Variants in TRAPPC12 observed in about 807,000 individuals in gnomAD.
TRAPPC12 encodes the protein trafficking protein particle complex subunit 12.
TRAPPC12 carries 61 observed loss-of-function variants against 69.2 expected under a neutral mutation model. The observed-to-expected ratio is 0.88, with a 90% CI of 0.72 to 1.09. The LOEUF is 1.09. Ranked by LOEUF, TRAPPC12 falls within the 50% of genes least tolerant of loss-of-function variation. The pLI, the probability that TRAPPC12 is intolerant of heterozygous loss-of-function variation, is 0.00. For missense variants in TRAPPC12, 1,101 were observed against 1,016.4 expected, an observed-to-expected ratio of 1.08 and a Z score of -1.13; for synonymous variants, 469 against 438.9, an observed-to-expected ratio of 1.07 and a Z score of -0.86.
chr2:3,450,457 C>T (rs1312434124), intron 6 of TRAPPC12, among the ~76,000 whole-genome samples: 4 of 152,168 alleles, frequency 2.6e-5, no homozygotes, highest in Admixed American at 6.5e-5. Context: ...CTTCCAGGTC[C>T]GCTCTGAAGT....
intron 5 of TRAPPC12, among the ~76,000 whole-genome samples, chr2:3,432,573 C>T (rs1048538254): frequency 5.9e-5 from 9 of 152,206 alleles, no homozygotes; most frequent in African/African-American, 1.9e-4. Context: ...AGAGTGACCA[C>T]GTTCTGCTTT....
chr2:3,445,331 G>A (rs964296394), intron 6 of TRAPPC12, among the ~76,000 whole-genome samples: 12 of 152,180 alleles, frequency 7.9e-5, no homozygotes, highest in African/African-American at 2.4e-5. Context: ...GTTGCAGTAA[G>A]CCGAGATCAA....
chr2:3,435,046 T>C (rs2103080439), intron 5 of TRAPPC12, among the ~76,000 whole-genome samples: 1 of 152,348 alleles, frequency 6.6e-6, no homozygotes, highest in African/African-American at 2.4e-5. Context: ...GGAGTCTCGC[T>C]CCGTCGCCCA....
chr2:3,452,235 G>A (rs1285749775), intron 6 of TRAPPC12, among the ~76,000 whole-genome samples: 1 of 152,136 alleles, frequency 6.6e-6, no homozygotes. Flanking sequence ...CTTTCTGTAG[G>A]GCTTCTTGTG....
At chr2:3,383,871 GTTT>G (rs34956958) in intron 1 of TRAPPC12, among the ~76,000 whole-genome samples, 13 of 85,586 alleles carry the variant, frequency 1.5e-4, no homozygotes, top group Middle Eastern at 7.4e-3. Context: ...GTTCAGTCTT[GTTT>G]TTTTTTTTTT....
chr2:3,388,520 C>T lies in TRAPPC12; in HGVS notation c.897C>T (p.Ser299=), dbSNP rs752496175. The change falls in exon 2 of 12, where the codon AGC becomes AGT. Residue 299 remains serine, a synonymous_variant. Coordinates refer to ENST00000324266, the MANE Select transcript of TRAPPC12 (RefSeq NM_016030.6). The part of the protein sequence containing the change: ...GSDDPFATAL[S]MSEMDRRNDA... ...ACGACCCCTTTGCCACCGCCCTGAG[C>T]ATGAGCGAGATGGACCGGAGGAACG... The T allele has an allele frequency of 3.1e-6, 5 of 1,612,996 alleles. No individual in the cohort carries two copies. In the Admixed American group the frequency reaches 6.7e-5, roughly 22 times the overall value.
chr2:3,410,493 A>G (rs1043064135), intron 3 of TRAPPC12, among the ~76,000 whole-genome samples: 1 of 152,180 alleles, frequency 6.6e-6, no homozygotes, highest in Non-Finnish European at 1.5e-5. Context: ...ATGTTTTACT[A>G]TTTTTAATCA....
intron 3 of TRAPPC12, among the ~76,000 whole-genome samples, chr2:3,411,523 C>T (rs536981144): frequency 2.7e-4 from 41 of 152,246 alleles, no homozygotes; most frequent in South Asian, 1.7e-3. Context: ...ATGTGTTATA[C>T]GTATGTGTGT....
chr2:3,468,800 C>T (rs1049342488), intron 9 of TRAPPC12, among the ~76,000 whole-genome samples: 5 of 152,212 alleles, frequency 3.3e-5, no homozygotes, highest in Non-Finnish European at 7.3e-5. Flanking sequence ...TCACACCCCA[C>T]GCGCCAGCCT....
rs147389731 is a variant in TRAPPC12 at position 3,421,814 on chromosome 2, G to A, written c.1165-67G>A. On this transcript the variant is annotated intron_variant, in intron 3 of 11. Transcript: ENST00000324266. ...GAGCAGCTGTGGCCAGTGGCTATGC[G>A]TTTGGGTCATGGATTCCACCATGCC... The A allele has an allele frequency of 3.1e-4, 446 of 1,445,348 alleles. 4 individuals carry two copies. The East Asian group carries it at 8.4e-3, about 27-fold the overall frequency. 89.5% of individuals were successfully genotyped at this position (1,445,348 alleles called of 1,614,324 possible).
At chr2:3,398,292 T>C (rs1002640122) in intron 2 of TRAPPC12, among the ~76,000 whole-genome samples, 3 of 152,222 alleles carry the variant, frequency 2.0e-5, no homozygotes, top group African/African-American at 7.2e-5. Flanking sequence ...GACAGTTTTC[T>C]AAAATGGCTA....
At chr2:3,450,963 G>T (rs1430318666) in intron 6 of TRAPPC12, among the ~76,000 whole-genome samples, 1 of 152,138 alleles carries the variant, frequency 6.6e-6, no homozygotes, top group Non-Finnish European at 1.5e-5. Context: ...CCACACTGAA[G>T]GTGTCAGTGA....
chr2:3,444,704 T>C (rs1664417161), intron 6 of TRAPPC12, among the ~76,000 whole-genome samples: 1 of 152,230 alleles, frequency 6.6e-6, no homozygotes, highest in South Asian at 2.1e-4. Flanking sequence ...CTAACTGTTG[T>C]GGTAGAAGTT....
At chr2:3,404,156 G>A (rs906005692) in intron 3 of TRAPPC12, among the ~76,000 whole-genome samples, 5 of 152,122 alleles carry the variant, frequency 3.3e-5, no homozygotes, top group Non-Finnish European at 5.9e-5. Flanking sequence ...GACCCAGATC[G>A]CGGTTGTGTG....
chr2:3,389,406 A>G (rs1220361010), intron 2 of TRAPPC12, among the ~76,000 whole-genome samples: 4 of 152,248 alleles, frequency 2.6e-5, no homozygotes, highest in Non-Finnish European at 5.9e-5. Context: ...CCGCCAGCAT[A>G]GGAGCAGGCT....
At chr2:3,473,242 G>A (rs1666141042) in intron 9 of TRAPPC12, among the ~76,000 whole-genome samples, 1 of 152,196 alleles carries the variant, frequency 6.6e-6, no homozygotes. Context: ...TGCTCACGCC[G>A]GGACGGGAAG....
intron 3 of TRAPPC12, among the ~76,000 whole-genome samples, chr2:3,418,055 A>AG: frequency 7.6e-6 from 1 of 132,246 alleles, no homozygotes; most frequent in Admixed American, 7.2e-5. Context: ...AAAAAAAAAA[A>AG]AAAACATTGT....
chr2:3,408,239 C>T (rs890396986), intron 3 of TRAPPC12, among the ~76,000 whole-genome samples: 2 of 152,212 alleles, frequency 1.3e-5, no homozygotes, highest in South Asian at 4.1e-4. Context: ...AGGAGGGAAG[C>T]GGACAAGCCT....
chr2:3,477,929 G>A (rs1324647907), intron 10 of TRAPPC12, 134 bp downstream of exon 10: 5 of 546,798 alleles, frequency 9.1e-6, no homozygotes, highest in Admixed American at 6.9e-5. Flanking sequence ...CTCTCAGAGC[G>A]GAGACCCAAG....
Sources: gnomAD v4.1 joint callset for allele counts (sites outside exome capture counted in the v4.1 genomes callset) on GRCh38, gnomAD v4.1.1 for gene constraint, MANE v1.5 for transcripts, NCBI Gene and HGNC (gene_info 2026-07-23, HGNC 2026-07-21) for gene names.